Variants in GPN2 observed in about 807,000 individuals in gnomAD.
The protein encoded by GPN2 is GPN-loop GTPase 2.
Under a neutral mutation model 30.1 loss-of-function variants are expected in GPN2, and 27 were observed. That is an observed-to-expected ratio of 0.90 (90% CI 0.66 to 1.24). GPN2 has a LOEUF of 1.24. GPN2 is among the 50% of genes most tolerant of loss of function. The pLI is 0.00. For synonymous variants in GPN2, 212 were observed against 174.4 expected, an observed-to-expected ratio of 1.22 and a Z score of -1.70; for missense variants, 406 against 405.4, an observed-to-expected ratio of 1.00 and a Z score of -0.01.
Position 26,889,882 on chromosome 1 carries a change from G to A in GPN2, c.215C>T (p.Ala72Val), listed in dbSNP as rs748504800. 11 of 1,611,502 alleles carry A rather than the reference G, an allele frequency of 6.8e-6. No individual in the cohort carries two copies. The highest frequency in any genetic ancestry group is 3.3e-5 in the Admixed American group (2 of 59,894). Reference sequence around the variant, plus strand: ...GCCGCCGTTGGGCCCCAGGCGCAGCGCGTCCATCACGTCGCCCAGCCCCAC... The same window carrying A: ...GCCGCCGTTGGGCCCCAGGCGCAGCACGTCCATCACGTCGCCCAGCCCCAC... ...ELVGLGDVMD[A>V]LRLGPNGGLL... Residue 72 changes from alanine to valine, a missense_variant, in exon 1 of 5, where the codon GCG (alanine) becomes GTG (valine). By Grantham distance (64) the Ala-to-Val change is moderately conservative. Transcript: ENST00000374135.
At chr1:26,883,442 C>T (rs1228561312) in intron 4 of GPN2, among the ~76,000 whole-genome samples, 1 of 152,180 alleles carries the variant, frequency 6.6e-6, no homozygotes, top group Admixed American at 6.5e-5. Flanking sequence ...CAAGGGACCA[C>T]CTTTGCACAT....
At chr1:26,889,635 C>A in intron 1 of GPN2, 51 bp downstream of exon 1, 2 of 1,510,306 alleles carry the variant, frequency 1.3e-6, no homozygotes, top group Non-Finnish European at 1.8e-6. Flanking sequence ...TCTGTCCTCC[C>A]TGTCTCAGTT....
At chr1:26,884,678 C>A (rs1239585484) in intron 3 of GPN2, among the ~76,000 whole-genome samples, 1 of 152,328 alleles carries the variant, frequency 6.6e-6, no homozygotes, top group South Asian at 2.1e-4. Flanking sequence ...AATGAATATG[C>A]ATGTTTTAAA....
Position 26,882,624 on chromosome 1 carries a change from A to G in GPN2, c.860+1536T>C, listed in dbSNP as rs151104087. On this transcript the variant is annotated intron_variant, in intron 4 of 4. Coordinates refer to ENST00000374135, the MANE Select transcript of GPN2 (RefSeq NM_018066.4). ...AGACTCCTGAGTCCCCCTTGTCTCC[A>G]GCATGCTGCATAGATGCTGAATCTG... 4.6e-3 allele frequency among the ~76,000 whole-genome samples: 707 copies of G among 152,240 alleles called. 5 individuals are homozygous for G. The highest frequency in any genetic ancestry group is 0.016 in the African/African-American group (682 of 41,554).
chr1:26,889,545 G>A (rs1039395099), intron 1 of GPN2, 141 bp downstream of exon 1: 1 of 747,752 alleles, frequency 1.3e-6, no homozygotes, highest in Non-Finnish European at 2.2e-6. Context: ...GTCAGTAGCA[G>A]AGCCAGATTC....
At chr1:26,885,672 C>A (rs558839935) in intron 3 of GPN2, among the ~76,000 whole-genome samples, 1 of 151,150 alleles carries the variant, frequency 6.6e-6, no homozygotes, top group Non-Finnish European at 1.5e-5. Context: ...CTCTGCCTCA[C>A]GGGTTCACGC....
chr1:26,889,931 A>C lies in GPN2; in HGVS notation c.166T>G (p.Cys56Gly). 1 of 1,609,850 alleles carries C rather than the reference A, an allele frequency of 6.2e-7. No individual in the cohort carries two copies. The highest frequency in any genetic ancestry group is 8.5e-7 in the Non-Finnish European group (1 of 1,179,276). Reference sequence around the variant, plus strand: ...ACCAGCTCGCCCACGTCCACGGCACACTCGTACGGCAGCCCCTCGTTGGCC... The same window carrying C: ...ACCAGCTCGCCCACGTCCACGGCACCCTCGTACGGCAGCCCCTCGTTGGCC... ...DPANEGLPYE[C>G]AVDVGELVGL... Residue 56 changes from cysteine (C) to glycine (G), a missense_variant, in exon 1 of 5, where the codon TGT (cysteine) becomes GGT (glycine). Physicochemically the swap from Cys to Gly is radical, Grantham distance 159. Transcript: ENST00000374135.
intron 4 of GPN2, among the ~76,000 whole-genome samples, chr1:26,882,822 A>C (rs1184375946): frequency 6.6e-6 from 1 of 152,168 alleles, no homozygotes; most frequent in Non-Finnish European, 1.5e-5. Context: ...ACCCCTGAAC[A>C]CAGCACATCT....
rs757687949 is a variant in GPN2 at position 26,890,133 on chromosome 1, G to A, written c.-37C>T. On this transcript the variant is annotated 5_prime_UTR_variant, in exon 1 of 5. Transcript: ENST00000374135. ...GGCCCGGAGCAGGTCAACTCACAGG[G>A]AAAACGGGGCAGGTAGCCGCGCCGG... The A allele has an allele frequency of 2.0e-6, 3 of 1,466,776 alleles. No homozygotes were observed. The highest frequency in any genetic ancestry group is 4.9e-5 in the Admixed American group (2 of 41,180). 90.9% of individuals were successfully genotyped at this position (1,466,776 alleles called of 1,614,324 possible). A position where few individuals can be genotyped will look rare whatever the true frequency, so the allele number is the denominator to read the frequency against.
At chr1:26,879,902 A>G (rs2081856176) in intron 4 of GPN2, among the ~76,000 whole-genome samples, 153 bp from the exon 5 acceptor site, 1 of 152,174 alleles carries the variant, frequency 6.6e-6, no homozygotes, top group Non-Finnish European at 1.5e-5. Context: ...GAAGCCTCCA[A>G]AAACACCCAG....
At chr1:26,882,158 A>G (rs1018215430) in intron 4 of GPN2, among the ~76,000 whole-genome samples, 3 of 149,002 alleles carry the variant, frequency 2.0e-5, no homozygotes, top group Non-Finnish European at 3.0e-5. Context: ...TGGAGGTTGC[A>G]GTGAGCTGAG....
chr1:26,889,336 G>A (rs1455705191), intron 1 of GPN2, among the ~76,000 whole-genome samples: 3 of 151,940 alleles, frequency 2.0e-5, no homozygotes, highest in Non-Finnish European at 4.4e-5. Flanking sequence ...CTCCCAGTGG[G>A]CAAGGGGTTT....
At chr1:26,882,041 C>T (rs533065353) in intron 4 of GPN2, among the ~76,000 whole-genome samples, 7 of 152,250 alleles carry the variant, frequency 4.6e-5, no homozygotes, top group African/African-American at 9.6e-5. Context: ...CATGGTAAAA[C>T]GCTGTCTCTA....
intron 1 of GPN2, 113 bp downstream of exon 1, chr1:26,889,573 T>C: frequency 9.9e-7 from 1 of 1,009,466 alleles, no homozygotes; most frequent in South Asian, 1.6e-5. Flanking sequence ...ATGCCTGTTT[T>C]ACTCCAAAGC....
chr1:26,889,108 G>A lies in GPN2; in HGVS notation c.429C>T (p.Leu143=). Residue 143 remains leucine, a synonymous_variant, in exon 2 of 5, where the codon CTC becomes CTT. Coordinates refer to ENST00000374135, the MANE Select transcript of GPN2 (RefSeq NM_018066.4). The stretch of plus-strand genomic sequence containing the variant: ...GGTCTGTGCAGTAGTGAGAATCCAC[G>A]AGGTGGACGGCAGTCAGCTGGGAGG... ...QWDLRLTAVH[L]VDSHYCTDPA... 6.2e-7 allele frequency: 1 copy of A among 1,613,678 alleles called. No homozygotes were observed. The highest frequency in any genetic ancestry group is 8.5e-7 in the Non-Finnish European group (1 of 1,179,646).
chr1:26,887,311 G>A (rs2081895920), intron 2 of GPN2, among the ~76,000 whole-genome samples: 1 of 152,096 alleles, frequency 6.6e-6, no homozygotes, highest in Non-Finnish European at 1.5e-5. Context: ...TCCCCCTAGT[G>A]GCCTGTTTCT....
chr1:26,885,925 T>C, intron 3 of GPN2, 48 bp downstream of exon 3: 1 of 1,434,452 alleles, frequency 7.0e-7, no homozygotes, highest in South Asian at 1.2e-5. Context: ...TGCTTTTGGC[T>C]TGGTGAATCC....
In GPN2 at chr1:26,877,900, G is replaced by A. The variant is rs1055717415; in HGVS notation, c.*1777C>T. On this transcript the variant is annotated 3_prime_UTR_variant, in exon 5 of 5. Transcript: ENST00000374135. ...AATACAAAAATTAGCCGGGCATGTG[G>A]TAGGCGCCTGTAATCCCAGCTACTC... 1.8e-4 allele frequency: 28 copies of A among 152,182 alleles called. No individual in the cohort carries two copies. The highest frequency in any genetic ancestry group is 6.8e-4 in the African/African-American group (28 of 41,428). The allele number at this position is 152,182 out of a possible 1,614,324, so 9.4% of individuals were successfully genotyped here. A position where few individuals can be genotyped will look rare whatever the true frequency, so the allele number is the denominator to read the frequency against.
intron 2 of GPN2, 110 bp downstream of exon 2, chr1:26,888,859 A>G: frequency 9.9e-7 from 1 of 1,013,462 alleles, no homozygotes. Flanking sequence ...GCCTGTGGCT[A>G]CTATCACCAG....
Sources: allele counts gnomAD v4.1 joint callset (sites outside exome capture counted in the v4.1 genomes callset), GRCh38; gene constraint gnomAD v4.1.1; transcripts MANE v1.5; gene names NCBI Gene and HGNC (gene_info 2026-07-23, HGNC 2026-07-21).